The following NGFR variants were observed in gnomAD, a reference collection of about 807,000 sequenced individuals.
NGFR encodes the protein tumor necrosis factor receptor superfamily member 16.
Under a neutral mutation model 43.2 loss-of-function variants are expected in NGFR, and 30 were observed. That is an observed-to-expected ratio of 0.69 (90% CI 0.52 to 0.94). NGFR has a LOEUF of 0.94. NGFR is among the 40% of genes least tolerant of loss of function. The pLI, the probability that NGFR is intolerant of heterozygous loss-of-function variation, is 0.00. For synonymous variants in NGFR, 246 were observed against 259.6 expected (o/e 0.95, Z 0.50); for missense variants, 529 against 602.5 (o/e 0.88, Z 1.28).
At position 49,512,075 on chromosome 17, in the gene NGFR, G is replaced by A; in HGVS notation, c.982+23G>A. On this transcript the variant is annotated intron_variant, in intron 5 of 5. Transcript: ENST00000172229. This position sits in a 1 kb window ranked among gnomAD's most constrained non-coding sequence, Gnocchi z 5.2. Reference sequence around the variant, plus strand: ...AGGGTGAGCAGCGGCCCGCTGGGGAGCTGAGGCGGAGCTGAGGCTGAGGAA... The same window carrying A: ...AGGGTGAGCAGCGGCCCGCTGGGGAACTGAGGCGGAGCTGAGGCTGAGGAA... 1 of 1,607,880 alleles carries A rather than the reference G, an allele frequency of 6.2e-7. No individual in the cohort carries two copies. The highest frequency in any genetic ancestry group is 1.1e-5 in the South Asian group (1 of 90,414).
chr17:49,506,548 C>G lies in NGFR; in HGVS notation c.458C>G (p.Thr153Arg), dbSNP rs763989044. 6.2e-7 allele frequency: 1 copy of G among 1,611,570 alleles called. No individual in the cohort carries two copies. The highest frequency in any genetic ancestry group is 1.7e-5 in the Admixed American group (1 of 59,942). Residue 153 changes from threonine to arginine, a missense_variant, in exon 3 of 6, where the codon ACG becomes AGG. Physicochemically the swap from Thr to Arg is moderately conservative, Grantham distance 71. Coordinates refer to ENST00000172229, the MANE Select transcript of NGFR (RefSeq NM_002507.4). ...NTVCEECPDG[T>R]YSDEANHVDP... is the part of the protein sequence containing the mutation. The stretch of plus-strand genomic sequence containing the variant: ...GTGTGCGAGGAGTGCCCCGACGGCA[C>G]GTATTCCGACGAGGCCAACCACGTG...
intron 1 of NGFR, 126 bp from the exon 2 acceptor site, chr17:49,501,937 C>T: frequency 1.1e-6 from 1 of 931,730 alleles, no homozygotes; most frequent in Non-Finnish European, 1.5e-6. Flanking sequence ...CTGGTGAGCT[C>T]ATCCCAGCCC....
At chr17:49,507,452 A>G (rs1014306932) in intron 3 of NGFR, among the ~76,000 whole-genome samples, 1 of 152,172 alleles carries the variant, frequency 6.6e-6, no homozygotes, top group Non-Finnish European at 1.5e-5. Context: ...AAGGCAGTGC[A>G]TGCTCGTGGC....
chr17:49,509,359 C>A (rs1187108618), intron 3 of NGFR, among the ~76,000 whole-genome samples: 1 of 152,188 alleles, frequency 6.6e-6, no homozygotes, highest in Non-Finnish European at 1.5e-5. Flanking sequence ...TGCCTGCTTT[C>A]CCTCCCTGCC....
chr17:49,506,142 A>G, intron 2 of NGFR, 157 bp from the exon 3 acceptor site: 1 of 1,367,658 alleles, frequency 7.3e-7, no homozygotes, highest in South Asian at 1.7e-5. Context: ...TTCACAGGCT[A>G]GGGGTCAGGG....
Position 49,505,708 on chromosome 17 carries a change from G to T in NGFR, c.209-591G>T, listed in dbSNP as rs2071192398. On this transcript the variant is annotated intron_variant, in intron 2 of 5. Coordinates refer to ENST00000172229, the MANE Select transcript of NGFR (RefSeq NM_002507.4). ...CTTACCTGAGCCCTCTTGCCTGCAGGTCCGTCCCCACCCTCAGGATCCAAG... is the reference window on the plus strand; with the variant it reads ...CTTACCTGAGCCCTCTTGCCTGCAGTTCCGTCCCCACCCTCAGGATCCAAG... 2 of 152,536 alleles carry T rather than the reference G, an allele frequency of 1.3e-5. 1 individual carries two copies. Among genetic ancestry groups the T allele is most frequent in the South Asian group, 4.1e-4 (2 of 4,836 alleles). The allele number at this position is 152,536 out of a possible 1,614,324, so 9.4% of individuals were successfully genotyped here. A position where few individuals can be genotyped will look rare whatever the true frequency, so the allele number is the denominator to read the frequency against.
In NGFR at chr17:49,514,540, T is replaced by A; in HGVS notation, c.*1531T>A. 1 of 152,178 alleles carries A rather than the reference T, an allele frequency of 6.6e-6. No individual in the cohort carries two copies. Among genetic ancestry groups the A allele is most frequent in the Middle Eastern group, 3.4e-3 (1 of 294 alleles). 9.4% of individuals were successfully genotyped at this position (152,178 alleles called of 1,614,324 possible). ...GAAGTTGGAGTGAGTGTGGCTCCCCTCTATTTAGCATGACAAGCCCCAGGC... is the reference window on the plus strand; with the variant it reads ...GAAGTTGGAGTGAGTGTGGCTCCCCACTATTTAGCATGACAAGCCCCAGGC... On this transcript the variant is annotated 3_prime_UTR_variant, in exon 6 of 6. Coordinates refer to ENST00000172229, the MANE Select transcript of NGFR (RefSeq NM_002507.4).
intron 1 of NGFR, among the ~76,000 whole-genome samples, chr17:49,499,146 T>G (rs1052657426): frequency 1.3e-5 from 2 of 152,154 alleles, no homozygotes; most frequent in African/African-American, 4.8e-5. Context: ...GGACAGGAAA[T>G]GCATGGTTAC....
At chr17:49,507,603 ACGTC>A (rs1232482316) in intron 3 of NGFR, among the ~76,000 whole-genome samples, 1 of 152,142 alleles carries the variant, frequency 6.6e-6, no homozygotes, top group Non-Finnish European at 1.5e-5. Flanking sequence ...CTGGTTGGTG[ACGTC>A]CGTCTCAGGG....
At position 49,512,174 on chromosome 17, in the gene NGFR, T is replaced by G; in HGVS notation, c.982+122T>G. On this transcript the variant is annotated intron_variant, in intron 5 of 5. Transcript: ENST00000172229. The surrounding 1 kb of genome is among the most constrained non-coding windows in gnomAD (Gnocchi z 5.2). The stretch of plus-strand genomic sequence containing the variant: ...CAGGGCTGGCTCAGCGGTGCCCCTG[T>G]AGATGGATGGAGAGGCTGGCCGAGG... 1 of 1,232,462 alleles carries G rather than the reference T, an allele frequency of 8.1e-7. No individual in the cohort carries two copies. Among genetic ancestry groups the G allele is most frequent in the South Asian group, 1.6e-5 (1 of 63,458 alleles). The allele number at this position is 1,232,462 out of a possible 1,614,324, so 76.3% of individuals were successfully genotyped here. A position where few individuals can be genotyped will look rare whatever the true frequency, so the allele number is the denominator to read the frequency against.
In NGFR at chr17:49,510,935, C is replaced by G. The variant is rs1004052301; in HGVS notation, c.821+271C>G. On this transcript the variant is annotated intron_variant, in intron 4 of 5. Coordinates refer to ENST00000172229, the MANE Select transcript of NGFR (RefSeq NM_002507.4). ...CCGCACCACTCCCTGACTCCCCACC[C>G]CCAACTGCTTGTGTCCTCATCCCCA... 7 of 487,226 alleles carry G rather than the reference C, an allele frequency of 1.4e-5. No individual in the cohort carries two copies. In the East Asian group the frequency reaches 2.5e-4, roughly 17 times the overall value. The allele number at this position is 487,226 out of a possible 1,614,324, so 30.2% of individuals were successfully genotyped here.
intron 1 of NGFR, 45 bp from the exon 2 acceptor site, chr17:49,502,018 C>CCCCCCAAA: frequency 1.5e-6 from 2 of 1,320,358 alleles, no homozygotes; most frequent in African/African-American, 1.5e-5. Flanking sequence ...CAACCCACCC[C>CCCCCCAAA]AGCTTTCTCT....
rs960646454 is a variant in NGFR at position 49,513,312 on chromosome 17, G to C, written c.*303G>C. ...CCCCTTCTCCCACACTGCTAGGTGG[G>C]CCAGCCCCTCCCACCACAGCAGGTG... On this transcript the variant is annotated 3_prime_UTR_variant, in exon 6 of 6. Transcript: ENST00000172229. 7.1e-6 allele frequency: 3 copies of C among 420,956 alleles called. No homozygotes were observed. The highest frequency in any genetic ancestry group is 7.8e-5 in the East Asian group (2 of 25,510). 26.1% of individuals were successfully genotyped at this position (420,956 alleles called of 1,614,324 possible).
intron 3 of NGFR, among the ~76,000 whole-genome samples, chr17:49,507,436 G>C (rs895881422): frequency 6.6e-6 from 1 of 152,182 alleles, no homozygotes; most frequent in Non-Finnish European, 1.5e-5. Context: ...TCAAAAGCCC[G>C]GGGACAAGGC....
rs372917452 is a variant in NGFR, at chr17:49,502,183, G to A, written c.187G>A (p.Val63Met). The change falls in exon 2 of 6, where the codon GTG becomes ATG. Residue 63 changes from valine to methionine, a missense_variant. By Grantham distance (21) the Val-to-Met change is conservative (BLOSUM62 1). Transcript: ENST00000172229. ...CCAGCCTTGTGGAGCCAACCAGACCGTGTGTGAGCCCTGCCTGGACAGTGA... is the reference window on the plus strand; with the variant it reads ...CCAGCCTTGTGGAGCCAACCAGACCATGTGTGAGCCCTGCCTGGACAGTGA... ...VAQPCGANQTVCEPCLDSVTF... is the reference protein window; with the variant it reads ...VAQPCGANQTMCEPCLDSVTF... 5.7e-5 allele frequency: 92 copies of A among 1,609,208 alleles called. No individual in the cohort carries two copies. The highest frequency in any genetic ancestry group is 9.9e-5 in the South Asian group (9 of 90,802).
chr17:49,501,999 A>ATGGGGGCCCCCCCCCCCCCC, intron 1 of NGFR, 64 bp from the exon 2 acceptor site: 2 of 330,984 alleles, frequency 6.0e-6, no homozygotes, highest in Non-Finnish European at 1.2e-5. Flanking sequence ...TCCCCGGAAG[A>ATGGGGGCCCCCCCCCCCCCC]ACCCCCCCCA....
At chr17:49,508,063 T>C (rs1278614713) in intron 3 of NGFR, among the ~76,000 whole-genome samples, 1 of 152,154 alleles carries the variant, frequency 6.6e-6, no homozygotes, top group East Asian at 1.9e-4. Flanking sequence ...TAAGGCCAGG[T>C]TGAGCTCAAA....
intron 2 of NGFR, among the ~76,000 whole-genome samples, chr17:49,504,308 T>A (rs567990806): frequency 5.5e-4 from 83 of 152,174 alleles, no homozygotes; most frequent in Non-Finnish European, 1.1e-3. Flanking sequence ...TTACCCTCCA[T>A]CACACGCCAG....
chr17:49,509,181 T>C (rs1402423124), intron 3 of NGFR, among the ~76,000 whole-genome samples: 3 of 152,174 alleles, frequency 2.0e-5, no homozygotes, highest in Non-Finnish European at 4.4e-5. Flanking sequence ...ATCTGGGGGC[T>C]TTGCCCCTCA....
Sources: allele counts gnomAD v4.1 joint callset (sites outside exome capture counted in the v4.1 genomes callset), GRCh38; gene constraint gnomAD v4.1.1; non-coding constraint Gnocchi (gnomAD v3.1); transcripts MANE v1.5; gene names NCBI Gene and HGNC (gene_info 2026-07-23, HGNC 2026-07-21).